The following AGAP3 variants were observed in gnomAD, a reference collection of about 807,000 sequenced individuals.
AGAP3 encodes the protein ArfGAP with GTPase domain, ankyrin repeat and PH domain 3.
A neutral mutation model predicts 96.9 loss-of-function variants in AGAP3; 24 were observed. The ratio of observed to expected loss-of-function variants is 0.25; its 90% CI spans 0.18 to 0.35. The LOEUF is 0.35. Among genes scored for constraint, AGAP3 ranks in the 10% least tolerant of loss-of-function variants. AGAP3 has a pLI of 1.00. For synonymous variants in AGAP3, 563 were observed against 536.1 expected (o/e 1.05, Z -0.69); for missense variants, 876 against 1,254.2 (o/e 0.70, Z 4.55).
intron 1 of AGAP3, chr7:151,115,407 CG>C: frequency 9.9e-7 from 1 of 1,009,034 alleles, no homozygotes; most frequent in East Asian, 9.0e-5. Flanking sequence ...CCGGCCGCCG[CG>C]CGCGCGCACC....
chr7:151,095,955 G>A (rs1336888396), intron 1 of AGAP3, among the ~76,000 whole-genome samples: 1 of 152,162 alleles, frequency 6.6e-6, no homozygotes, highest in Non-Finnish European at 1.5e-5. Flanking sequence ...CTGGAGCCAG[G>A]CTGCCTAGAT....
intron 1 of AGAP3, among the ~76,000 whole-genome samples, chr7:151,101,561 A>C (rs1798835175): frequency 6.6e-6 from 1 of 152,130 alleles, no homozygotes; most frequent in Non-Finnish European, 1.5e-5. Context: ...GACTGTGGGA[A>C]ACCCGGTGTC....
intron 1 of AGAP3, 146 bp from the exon 2 acceptor site, chr7:151,116,647 A>T: frequency 1.3e-6 from 1 of 797,018 alleles, no homozygotes; most frequent in Non-Finnish European, 2.1e-6. Flanking sequence ...CTGGGGAACT[A>T]GGGGTGAGGG....
In AGAP3 at chr7:151,086,873, G is replaced by GGGCGGC; in HGVS notation, c.139_144dup (p.Gly47_Gly48dup). On this transcript the variant is annotated inframe_insertion, in exon 1 of 18. Transcript: ENST00000397238. Reference sequence around the variant, plus strand: ...TCGGCGGCGCGGGGCCCGGGGCCGGGGGCGGCGGCGGCCCCTCGCAGCAGC... The same window carrying GGGCGGC: ...TCGGCGGCGCGGGGCCCGGGGCCGGGGGCGGCGGCGGCGGCGGCCCCTCGCAGCAGC... 1 of 1,231,470 alleles carries GGGCGGC rather than the reference G, an allele frequency of 8.1e-7. No homozygotes were observed. Among genetic ancestry groups the GGGCGGC allele is most frequent in the South Asian group, 3.0e-5 (1 of 33,148 alleles). The allele number at this position is 1,231,470 out of a possible 1,614,324, so 76.3% of individuals were successfully genotyped here. A position where few individuals can be genotyped will look rare whatever the true frequency, so the allele number is the denominator to read the frequency against.
intron 3 of AGAP3, 67 bp from the exon 4 acceptor site, chr7:151,117,304 G>T (rs778244768): frequency 6.2e-7 from 1 of 1,604,558 alleles, no homozygotes; most frequent in Admixed American, 1.7e-5. Context: ...ATGGGAAGCT[G>T]TAGATTTCTT....
At position 151,108,426 on chromosome 7, in the gene AGAP3, C is replaced by G. The variant is rs1296325284; in HGVS notation, c.332-8367C>G. Among the ~76,000 whole-genome samples, 7 of 152,166 alleles carry G rather than the reference C, an allele frequency of 4.6e-5. No individual in the cohort carries two copies. The highest frequency in any genetic ancestry group is 4.6e-4 in the Admixed American group (7 of 15,288). On this transcript the variant is annotated intron_variant, in intron 1 of 17. Transcript: ENST00000397238. This position sits in a 1 kb window ranked among gnomAD's most constrained non-coding sequence, Gnocchi z 4.2. ...GCACTGCTCTCGGTCCTGTGGCTCT[C>G]TCTGCCACCCGCACCCCCACCAGCA...
intron 8 of AGAP3, 88 bp from the exon 9 acceptor site, chr7:151,123,706 G>A: frequency 9.5e-6 from 15 of 1,587,260 alleles, no homozygotes; most frequent in Non-Finnish European, 1.3e-5. Flanking sequence ...CCAGGAGGAG[G>A]GAGGCAGGAG....
In AGAP3 at chr7:151,139,696, C is replaced by T. The variant is rs1348589213; in HGVS notation, c.1667-283C>T. 2 of 289,484 alleles carry T rather than the reference C, an allele frequency of 6.9e-6. No individual in the cohort carries two copies. Among genetic ancestry groups the T allele is most frequent in the Admixed American group, 5.2e-5 (1 of 19,198 alleles). The allele number at this position is 289,484 out of a possible 1,614,324, so 17.9% of individuals were successfully genotyped here. A position where few individuals can be genotyped will look rare whatever the true frequency, so the allele number is the denominator to read the frequency against. On this transcript the variant is annotated intron_variant, in intron 12 of 17. Coordinates refer to ENST00000397238, the MANE Select transcript of AGAP3 (RefSeq NM_031946.7). This position sits in a 1 kb window ranked among gnomAD's most constrained non-coding sequence, Gnocchi z 4.9. ...GCTCCCCGTGAGTTCCCTGGGCTGCCTTCCACCCCTCCAGGCTGCAGAGGC... is the reference window on the plus strand; with the variant it reads ...GCTCCCCGTGAGTTCCCTGGGCTGCTTTCCACCCCTCCAGGCTGCAGAGGC...
At chr7:151,099,060 AGGGCT>A (rs1250689536) in intron 1 of AGAP3, among the ~76,000 whole-genome samples, 17 of 151,874 alleles carry the variant, frequency 1.1e-4, no homozygotes, top group Middle Eastern at 3.4e-3. Context: ...TTAAAAATTC[AGGGCT>A]GGGCACGGTG....
At chr7:151,100,847 A>G (rs1563435131) in intron 1 of AGAP3, among the ~76,000 whole-genome samples, 1 of 152,140 alleles carries the variant, frequency 6.6e-6, no homozygotes, top group Non-Finnish European at 1.5e-5. Flanking sequence ...GTCTCAAAAA[A>G]TAATAATAAA....
At chr7:151,123,201 C>T in intron 8 of AGAP3, 2 of 1,081,462 alleles carry the variant, frequency 1.8e-6, no homozygotes, top group Non-Finnish European at 2.2e-6. Flanking sequence ...GAAGCCGCCG[C>T]CGCCGCCGCG....
In AGAP3 at chr7:151,134,256, A is replaced by G. The variant is rs3815979; in HGVS notation, c.1327-144A>G. The G allele has an allele frequency of 0.018, 15,653 of 891,266 alleles. 1,213 individuals carry two copies. The East Asian group carries it at 0.26, about 15-fold the overall frequency. 55.2% of individuals were successfully genotyped at this position (891,266 alleles called of 1,614,324 possible). ...CGAGGTGGAATCCAGACTCGGAGAC[A>G]TTCTGTGGCTTAGAATCCTGCTTTT... On this transcript the variant is annotated intron_variant, in intron 10 of 17. Transcript: ENST00000397238.
Position 151,111,591 on chromosome 7 carries a change from CCT to C in AGAP3, c.332-5201_332-5200del, listed in dbSNP as rs142989002. Among the ~76,000 whole-genome samples the C allele has an allele frequency of 4.3e-3, 659 of 152,222 alleles. 6 individuals are homozygous for C. The highest frequency in any genetic ancestry group is 0.015 in the African/African-American group (609 of 41,540). On this transcript the variant is annotated intron_variant, in intron 1 of 17. Transcript: ENST00000397238. ...CATGACCCCCCCGGCCCCTCACCCC[CCT>C]GTGCACACGCAAGCAGGGCACCCGA...
rs1388616905 is a variant in AGAP3 at position 151,142,539 on chromosome 7, G to A, written c.2178G>A (p.Leu726=). 6.2e-7 allele frequency: 1 copy of A among 1,613,572 alleles called. No homozygotes were observed. Among genetic ancestry groups the A allele is most frequent in the Admixed American group, 1.7e-5 (1 of 60,008 alleles). The part of the protein sequence containing the change: ...SLDLDDWPPE[L]LAVMTAMGNA... ...ACCTCGATGACTGGCCGCCTGAGCT[G>A]CTGGCTGTCATGACTGCCATGGGCA... The change falls in exon 16 of 18, where the codon CTG becomes CTA. Residue 726 remains leucine (L), a synonymous_variant. Coordinates refer to ENST00000397238, the MANE Select transcript of AGAP3 (RefSeq NM_031946.7). The surrounding 1 kb of genome is among the most constrained non-coding windows in gnomAD (Gnocchi z 7.5).
chr7:151,107,627 A>AT (rs1563448741), intron 1 of AGAP3, among the ~76,000 whole-genome samples: 12 of 151,864 alleles, frequency 7.9e-5, no homozygotes, highest in East Asian at 3.9e-4. Flanking sequence ...GTCTCAAAAA[A>AT]ATTTTTTTTT....
At chr7:151,112,396 C>CGTGTGTGTGTGTGT (rs71819427) in intron 1 of AGAP3, among the ~76,000 whole-genome samples, 30 of 139,950 alleles carry the variant, frequency 2.1e-4, no homozygotes, top group East Asian at 1.1e-3. Flanking sequence ...TTCCCCGAGA[C>CGTGTGTGTGTGTGT]GTGTGTGTGT....
chr7:151,142,096 G>A lies in AGAP3; in HGVS notation c.1959+44G>A, dbSNP rs1288520736. The A allele has an allele frequency of 3.1e-6, 5 of 1,607,800 alleles. No individual in the cohort carries two copies. Among genetic ancestry groups the A allele is most frequent in the Non-Finnish European group, 3.4e-6 (4 of 1,175,582 alleles). ...GGCCCACACAGAGCACCTGGCTGGG[G>A]TGGGACTGAAAGGGGCCTCATGACT... is the stretch of plus-strand genomic sequence containing the variant. On this transcript the variant is annotated intron_variant, in intron 14 of 17. Coordinates refer to ENST00000397238, the MANE Select transcript of AGAP3 (RefSeq NM_031946.7). The surrounding 1 kb of genome is among the most constrained non-coding windows in gnomAD (Gnocchi z 7.5).
chr7:151,138,336 C>G, intron 12 of AGAP3, 23 bp downstream of exon 12: 1 of 1,588,328 alleles, frequency 6.3e-7, no homozygotes, highest in Non-Finnish European at 8.6e-7. Flanking sequence ...TCTGCTGCTT[C>G]CCACCTTTTC....
intron 11 of AGAP3, among the ~76,000 whole-genome samples, chr7:151,134,872 G>A (rs1800533986): frequency 6.6e-6 from 1 of 152,176 alleles, no homozygotes; most frequent in Non-Finnish European, 1.5e-5. Flanking sequence ...CAGGCGATGG[G>A]TGGGGGCCAT....
Sources: allele counts gnomAD v4.1 joint callset (sites outside exome capture counted in the v4.1 genomes callset), GRCh38; gene constraint gnomAD v4.1.1; non-coding constraint Gnocchi (gnomAD v3.1); transcripts MANE v1.5; gene names NCBI Gene and HGNC (gene_info 2026-07-23, HGNC 2026-07-21).